The following ABCC8 variants were observed in gnomAD, a reference collection of about 807,000 sequenced individuals.
The protein encoded by ABCC8 is ATP-binding cassette sub-family C member 8.
ABCC8 carries 137 observed loss-of-function variants against 188.0 expected under a neutral mutation model. The ratio of observed to expected loss-of-function variants is 0.73; its 90% CI spans 0.63 to 0.84. ABCC8 has a LOEUF of 0.84. Among genes scored for constraint, ABCC8 ranks in the 40% least tolerant of loss-of-function variants. ABCC8 has a pLI of 0.00. For synonymous variants in ABCC8, 797 were observed against 846.5 expected (o/e 0.94, Z 1.01); for missense variants, 1,750 against 2,072.7 (o/e 0.84, Z 3.02).
chr11:17,443,557 T>C, intron 8 of ABCC8: 1 of 527,232 alleles, frequency 1.9e-6, no homozygotes, highest in Non-Finnish European at 3.4e-6. Flanking sequence ...TGCATTTATC[T>C]GCAAGGCTGG....
At chr11:17,417,835 C>G (rs1271302664) in intron 16 of ABCC8, among the ~76,000 whole-genome samples, 1 of 152,030 alleles carries the variant, frequency 6.6e-6, no homozygotes, top group African/African-American at 2.4e-5. Context: ...CTGCAACCTC[C>G]ACCTCCTGGG....
chr11:17,392,675 C>G (rs1953691642), downstream of ABCC8: 2 of 403,038 alleles, frequency 5.0e-6, no homozygotes, highest in Non-Finnish European at 9.4e-6. Flanking sequence ...AGACTTCAGC[C>G]TCCAGAACTG....
At chr11:17,400,885 A>G (rs189695855) in intron 29 of ABCC8, among the ~76,000 whole-genome samples, 2,324 of 152,382 alleles carry the variant, frequency 0.015, 144 homozygotes, top group Admixed American at 0.11. Context: ...GTAAGTGGGC[A>G]ATCAATAAGT....
At position 17,395,256 on chromosome 11, in the gene ABCC8, T is replaced by C. The variant is rs1373166449; in HGVS notation, c.4327A>G (p.Arg1443Gly). 1 of 1,595,578 alleles carries C rather than the reference T, an allele frequency of 6.3e-7. No individual in the cohort carries two copies. The highest frequency in any genetic ancestry group is 2.3e-5 in the East Asian group (1 of 44,422). ...GTIRFNLDPERKCSDSTLWEA... is the reference protein window; with the variant it reads ...GTIRFNLDPEGKCSDSTLWEA... ...CACAGTGTGCTATCTGAGCACTTCC[T>C]CTCAGGGTCCAGGTTAAATCTGGAA... The change falls in exon 36 of 39, where the codon AGG becomes GGG. Residue 1443 changes from arginine (R) to glycine (G), a missense_variant. Transcript: ENST00000389817.
intron 1 of ABCC8, among the ~76,000 whole-genome samples, chr11:17,475,269 G>A (rs1288806737): frequency 6.6e-6 from 1 of 152,218 alleles, no homozygotes; most frequent in East Asian, 1.9e-4. Flanking sequence ...CTCTGCTGGA[G>A]TGCAGTGCCA....
intron 21 of ABCC8, 47 bp from the exon 22 acceptor site, chr11:17,410,700 G>A: frequency 6.2e-7 from 1 of 1,612,410 alleles, no homozygotes; most frequent in Non-Finnish European, 8.5e-7. Flanking sequence ...GAAAGGCATG[G>A]TGGGGAGGGG....
intron 29 of ABCC8, among the ~76,000 whole-genome samples, chr11:17,398,664 C>G (rs1198148195): frequency 6.6e-6 from 1 of 152,172 alleles, no homozygotes; most frequent in Non-Finnish European, 1.5e-5. Flanking sequence ...TGTTTTCACC[C>G]CAAGATCCAT....
intron 5 of ABCC8, chr11:17,460,982 C>G: frequency 2.2e-6 from 1 of 462,828 alleles, no homozygotes; most frequent in South Asian, 2.1e-5. Flanking sequence ...GCCACACTCA[C>G]TCATTACCAC....
rs188001436 is a variant in ABCC8, at chr11:17,473,905, A to T, written c.290+981T>A. Among the ~76,000 whole-genome samples the T allele has an allele frequency of 2.8e-4, 43 of 152,276 alleles. No homozygotes were observed. The East Asian group carries it at 7.1e-3, about 25-fold the overall frequency. On this transcript the variant is annotated intron_variant, in intron 2 of 38. Coordinates refer to ENST00000389817, the MANE Select transcript of ABCC8 (RefSeq NM_000352.6). ...CAGGCTGGGATTCACAGTCCTCCTG[A>T]GATGCCCCAACCTGGGTTCCCAGCC...
intron 33 of ABCC8, 94 bp downstream of exon 33, chr11:17,396,822 G>C: frequency 1.3e-6 from 2 of 1,513,920 alleles, no homozygotes; most frequent in South Asian, 2.3e-5. Flanking sequence ...GCCCTGGAGG[G>C]CCACGAGGTG....
chr11:17,474,667 C>T (rs541659899), intron 2 of ABCC8, among the ~76,000 whole-genome samples: 7 of 152,194 alleles, frequency 4.6e-5, no homozygotes, highest in Non-Finnish European at 8.8e-5. Flanking sequence ...CATGCAGGTC[C>T]GTGTTCCCTC....
At chr11:17,403,642 T>A (rs1281716199) in intron 28 of ABCC8, among the ~76,000 whole-genome samples, 1 of 152,222 alleles carries the variant, frequency 6.6e-6, no homozygotes, top group Non-Finnish European at 1.5e-5. Flanking sequence ...TATGTGCACT[T>A]GGGAAAGGTA....
At chr11:17,403,489 G>A (rs763151377) in intron 28 of ABCC8, among the ~76,000 whole-genome samples, 2 of 152,168 alleles carry the variant, frequency 1.3e-5, no homozygotes, top group Admixed American at 1.3e-4. Context: ...TATGTTGTTC[G>A]TGTGGGTGTC....
intron 23 of ABCC8, chr11:17,408,141 T>C (rs1020509000): frequency 6.6e-5 from 27 of 408,136 alleles, no homozygotes; most frequent in Non-Finnish European, 1.1e-4. Flanking sequence ...GAGTTGATTT[T>C]CTGAAACTTT....
chr11:17,443,515 G>A, intron 8 of ABCC8: 1 of 699,210 alleles, frequency 1.4e-6, no homozygotes, highest in East Asian at 3.0e-5. Context: ...GGGCTCTCAT[G>A]CAAGCAGAGG....
intron 16 of ABCC8, among the ~76,000 whole-genome samples, chr11:17,419,930 G>A (rs539176626): frequency 6.6e-6 from 1 of 152,312 alleles, no homozygotes; most frequent in East Asian, 1.9e-4. Flanking sequence ...TGGGGGTGAA[G>A]GCACAAACCT....
rs58452277 is a variant in ABCC8 at position 17,450,260 on chromosome 11, CTCTTTCTTTCTTTCTTTCTT to C, written c.1177-1609_1177-1590del. Among the ~76,000 whole-genome samples, 137 of 67,702 alleles carry C rather than the reference CTCTTTCTTTCTTTCTTTCTT, an allele frequency of 2.0e-3. 1 individual carries two copies. Among genetic ancestry groups the C allele is most frequent in the East Asian group, 3.0e-3 (10 of 3,358 alleles). 44.4% of individuals were successfully genotyped at this position (67,702 alleles called of 152,430 possible). On this transcript the variant is annotated intron_variant, in intron 7 of 38. Coordinates refer to ENST00000389817, the MANE Select transcript of ABCC8 (RefSeq NM_000352.6). ...TTCTTTTCTTTTTCTTTCTTTCTTT[CTCTTTCTTTCTTTCTTTCTT>C]TCTTTCTTTCTTTCTTTCTTTCTTT...
intron 7 of ABCC8, among the ~76,000 whole-genome samples, chr11:17,450,497 C>T (rs1195431901): frequency 4.0e-5 from 6 of 149,270 alleles, no homozygotes; most frequent in African/African-American, 1.2e-4. Context: ...TGGGTTCACG[C>T]CATTCTCCTG....
chr11:17,466,886 G>A (rs1296580461), intron 3 of ABCC8, among the ~76,000 whole-genome samples: 2 of 151,990 alleles, frequency 1.3e-5, no homozygotes, highest in East Asian at 1.9e-4. Context: ...GGCTGGTCTC[G>A]AACTTCTGAG....
Sources: gnomAD v4.1 joint callset for allele counts (sites outside exome capture counted in the v4.1 genomes callset) on GRCh38, gnomAD v4.1.1 for gene constraint, MANE v1.5 for transcripts, NCBI Gene and HGNC (gene_info 2026-07-23, HGNC 2026-07-21) for gene names.